The following HECW1 variants were observed in gnomAD, a reference collection of about 807,000 sequenced individuals.
HECW1 encodes the protein HECT, C2 and WW domain containing E3 ubiquitin protein ligase 1.
In HECW1, 61 loss-of-function variants were observed where a neutral mutation model predicts 182.3. The observed-to-expected ratio is 0.33, with a 90% confidence interval of 0.27 to 0.41. The LOEUF is 0.41. HECW1 is among the 10% of genes least tolerant of loss of function. The pLI is 1.00. For synonymous variants in HECW1, 859 were observed against 832.6 expected, an observed-to-expected ratio of 1.03 and a Z score of -0.55; for missense variants, 1,739 against 2,108.9, an observed-to-expected ratio of 0.82 and a Z score of 3.44.
intron 22 of HECW1, 100 bp downstream of exon 22, chr7:43,507,357 G>A (rs2152927695): frequency 8.5e-7 from 1 of 1,182,158 alleles, no homozygotes; most frequent in Non-Finnish European, 1.2e-6. Flanking sequence ...TGGCTACTCT[G>A]GTGTGGTAGT....
In HECW1 at chr7:43,565,673, T is replaced by C. The variant is rs2152968533; in HGVS notation, c.*3747T>C. The C allele has an allele frequency of 5.5e-6, 1 of 180,674 alleles. No individual in the cohort carries two copies. The highest frequency in any genetic ancestry group is 2.0e-4 in the South Asian group (1 of 5,056). 11.2% of individuals were successfully genotyped at this position (180,674 alleles called of 1,614,324 possible). A position where few individuals can be genotyped will look rare whatever the true frequency, so the allele number is the denominator to read the frequency against. On this transcript the variant is annotated 3_prime_UTR_variant, in exon 30 of 30. Coordinates refer to ENST00000395891, the MANE Select transcript of HECW1 (RefSeq NM_015052.5). ...AAATCTGGGATGGATGTTCCAGCCA[T>C]CATAAGGTCCAAAAGAAAAGAGAAA... is the stretch of plus-strand genomic sequence containing the variant.
At chr7:43,478,236 G>T (rs1165350546) in intron 16 of HECW1, among the ~76,000 whole-genome samples, 1 of 152,114 alleles carries the variant, frequency 6.6e-6, no homozygotes, top group Non-Finnish European at 1.5e-5. Flanking sequence ...GACCAACATG[G>T]AGAAACCCCA....
At chr7:43,128,782 G>A (rs1486549947) in intron 2 of HECW1, among the ~76,000 whole-genome samples, 1 of 152,202 alleles carries the variant, frequency 6.6e-6, no homozygotes, top group Non-Finnish European at 1.5e-5. Flanking sequence ...AACACTTGAG[G>A]TTCATGAGAA....
chr7:43,175,030 A>G (rs1792083281), intron 2 of HECW1, among the ~76,000 whole-genome samples: 1 of 152,170 alleles, frequency 6.6e-6, no homozygotes, highest in Admixed American at 6.5e-5. Context: ...CGAGGTACCT[A>G]TGGGCTCCCC....
At chr7:43,271,427 C>T (rs925274578) in intron 3 of HECW1, among the ~76,000 whole-genome samples, 1 of 152,106 alleles carries the variant, frequency 6.6e-6, no homozygotes, top group African/African-American at 2.4e-5. Context: ...ACTCTTTCTT[C>T]CCGAATTATA....
At chr7:43,276,112 A>G (rs972125054) in intron 3 of HECW1, among the ~76,000 whole-genome samples, 1 of 152,134 alleles carries the variant, frequency 6.6e-6, no homozygotes, top group Non-Finnish European at 1.5e-5. Context: ...GGAAGATGTG[A>G]CCTTTTCATT....
intron 7 of HECW1, among the ~76,000 whole-genome samples, chr7:43,398,563 C>T (rs1325470444): frequency 6.6e-6 from 1 of 151,118 alleles, no homozygotes; most frequent in Non-Finnish European, 1.5e-5. Context: ...CCCAGTAAAG[C>T]AAATATGTTT....
At position 43,507,121 on chromosome 7, in the gene HECW1, G is replaced by A; in HGVS notation, c.3632-16G>A. 1 of 1,611,708 alleles carries A rather than the reference G, an allele frequency of 6.2e-7. No homozygotes were observed. The highest frequency in any genetic ancestry group is 8.5e-7 in the Non-Finnish European group (1 of 1,178,910). ...GAAGAAAGAAAGTGATGACCTCTGT[G>A]TGCTTCTCTCTGCAGGTTTACAGAG... On this transcript the variant is annotated splice_polypyrimidine_tract_variant and intron_variant, in intron 21 of 29. Coordinates refer to ENST00000395891, the MANE Select transcript of HECW1 (RefSeq NM_015052.5).
intron 2 of HECW1, among the ~76,000 whole-genome samples, chr7:43,232,586 G>A (rs889364928): frequency 3.3e-5 from 5 of 152,194 alleles, no homozygotes; most frequent in African/African-American, 9.7e-5. Context: ...AGTGTAGGCT[G>A]AAGGCATAGC....
intron 16 of HECW1, among the ~76,000 whole-genome samples, chr7:43,471,050 A>G (rs2078003534): frequency 6.6e-6 from 1 of 152,248 alleles, no homozygotes; most frequent in South Asian, 2.1e-4. Flanking sequence ...TTTTACAACC[A>G]GATAAATAAG....
At chr7:43,410,478 A>G (rs928503584) in intron 8 of HECW1, among the ~76,000 whole-genome samples, 5 of 152,126 alleles carry the variant, frequency 3.3e-5, no homozygotes, top group Non-Finnish European at 7.4e-5. Flanking sequence ...AGTTTCACAT[A>G]TGAACTTGGG....
chr7:43,206,381 A>C (rs1795484758), intron 2 of HECW1, among the ~76,000 whole-genome samples: 1 of 152,162 alleles, frequency 6.6e-6, no homozygotes, highest in Non-Finnish European at 1.5e-5. Context: ...AGGGTTGGCC[A>C]AAAAGGTCTA....
intron 11 of HECW1, among the ~76,000 whole-genome samples, chr7:43,447,345 A>C (rs534804798): frequency 6.6e-6 from 1 of 152,336 alleles, no homozygotes; most frequent in African/African-American, 2.4e-5. Flanking sequence ...AAAAAGTCAC[A>C]TCCTTGCCCT....
intron 6 of HECW1, among the ~76,000 whole-genome samples, chr7:43,384,005 T>TGAG (rs781072561): frequency 1.2e-4 from 18 of 152,036 alleles, no homozygotes; most frequent in Non-Finnish European, 2.2e-4. Context: ...TTGAGTAGAC[T>TGAG]GAGGAGGAGG....
chr7:43,312,220 C>T (rs772970221), intron 4 of HECW1, 133 bp downstream of exon 4: 1 of 819,218 alleles, frequency 1.2e-6, no homozygotes, highest in Non-Finnish European at 1.9e-6. Flanking sequence ...CACTGAAGAC[C>T]ACTGTTGCAT....
chr7:43,501,433 A>G (rs976354704), intron 21 of HECW1, 111 bp downstream of exon 21: 4 of 600,172 alleles, frequency 6.7e-6, no homozygotes, highest in Non-Finnish European at 8.9e-6. Flanking sequence ...GGCCTTCCCA[A>G]TTCCCTAATT....
intron 2 of HECW1, among the ~76,000 whole-genome samples, chr7:43,129,260 T>A (rs1372533636): frequency 6.6e-6 from 1 of 152,200 alleles, no homozygotes; most frequent in African/African-American, 2.4e-5. Flanking sequence ...TTCATTGTCT[T>A]ATTCTAAGAA....
chr7:43,554,188 G>A (rs2081944836), intron 28 of HECW1, among the ~76,000 whole-genome samples: 1 of 152,186 alleles, frequency 6.6e-6, no homozygotes, highest in African/African-American at 2.4e-5. Context: ...GTATGTGGTT[G>A]CCAAGAGCTA....
At chr7:43,356,539 A>G (rs144080459) in intron 5 of HECW1, among the ~76,000 whole-genome samples, 32 of 152,342 alleles carry the variant, frequency 2.1e-4, no homozygotes, top group African/African-American at 7.0e-4. Flanking sequence ...CACTGACCAC[A>G]TGGCCTAACT....
Sources: allele counts gnomAD v4.1 joint callset (sites outside exome capture counted in the v4.1 genomes callset), GRCh38; gene constraint gnomAD v4.1.1; transcripts MANE v1.5; gene names NCBI Gene and HGNC (gene_info 2026-07-23, HGNC 2026-07-21).